The following CNTN6 variants were observed in gnomAD, a reference collection of about 807,000 sequenced individuals.
CNTN6 encodes the protein contactin 6, also known as contactin-6.
In CNTN6, 137 loss-of-function variants were observed where a neutral mutation model predicts 122.8. That is an observed-to-expected ratio of 1.12 (90% CI 0.97 to 1.29). CNTN6 has a LOEUF of 1.29. CNTN6 is among the 50% of genes most tolerant of loss of function. CNTN6 has a pLI of 0.00. For synonymous variants in CNTN6, 570 were observed against 426.0 expected (o/e 1.34, Z -4.16); for missense variants, 1,634 against 1,223.4 (o/e 1.34, Z -5.01).
intron 2 of CNTN6, among the ~76,000 whole-genome samples, chr3:1,194,216 G>A (rs1472176974): frequency 6.6e-6 from 1 of 152,008 alleles, no homozygotes; most frequent in Non-Finnish European, 1.5e-5. Context: ...TGTTTAAAGG[G>A]AGAAATCTTT....
At chr3:1,115,070 G>C (rs933522973) in intron 1 of CNTN6, among the ~76,000 whole-genome samples, 1 of 152,104 alleles carries the variant, frequency 6.6e-6, no homozygotes, top group Non-Finnish European at 1.5e-5. Context: ...CACAATTTCA[G>C]TTTTAAGACC....
intron 2 of CNTN6, among the ~76,000 whole-genome samples, chr3:1,187,459 T>C (rs533902514): frequency 3.3e-5 from 5 of 152,252 alleles, no homozygotes; most frequent in African/African-American, 1.2e-4. Flanking sequence ...TATAGGCCCA[T>C]GGTGTCAGGC....
intron 1 of CNTN6, among the ~76,000 whole-genome samples, chr3:1,141,797 A>G (rs1409194938): frequency 6.6e-6 from 1 of 152,162 alleles, no homozygotes; most frequent in Non-Finnish European, 1.5e-5. Flanking sequence ...GTTTTAAATT[A>G]TTTTAGACAT....
At chr3:1,257,124 G>A (rs71309812) in intron 4 of CNTN6, among the ~76,000 whole-genome samples, 5,338 of 152,062 alleles carry the variant, frequency 0.035, 137 homozygotes, top group Non-Finnish European at 0.052. Flanking sequence ...AGGTTTATTT[G>A]TAAAATCAAA....
chr3:1,122,853 G>C (rs1371059713), intron 1 of CNTN6, among the ~76,000 whole-genome samples: 1 of 151,742 alleles, frequency 6.6e-6, no homozygotes, highest in Non-Finnish European at 1.5e-5. Context: ...TTGAGCATTT[G>C]GGCTGTTTCC....
At chr3:1,270,349 T>C (rs2125750978) in intron 4 of CNTN6, among the ~76,000 whole-genome samples, 1 of 152,300 alleles carries the variant, frequency 6.6e-6, no homozygotes, top group South Asian at 2.1e-4. Context: ...AGATACAAAT[T>C]TAGAATAACC....
chr3:1,374,397 G>C (rs1370093134), intron 16 of CNTN6, among the ~76,000 whole-genome samples: 1 of 152,068 alleles, frequency 6.6e-6, no homozygotes, highest in East Asian at 1.9e-4. Context: ...GTTACTGCTT[G>C]TTTCATTAAA....
chr3:1,207,267 TACTC>T (rs2093970720), intron 2 of CNTN6, among the ~76,000 whole-genome samples: 1 of 152,148 alleles, frequency 6.6e-6, no homozygotes, highest in African/African-American at 2.4e-5. Flanking sequence ...GAATACCTGA[TACTC>T]ATTCATGATT....
At chr3:1,111,372 T>A (rs960743870) in intron 1 of CNTN6, among the ~76,000 whole-genome samples, 2 of 152,184 alleles carry the variant, frequency 1.3e-5, no homozygotes, top group African/African-American at 2.4e-5. Flanking sequence ...TATTTAATTC[T>A]CATAAAAACC....
intron 12 of CNTN6, among the ~76,000 whole-genome samples, chr3:1,367,235 C>T (rs1440042587): frequency 2.6e-5 from 4 of 151,946 alleles, no homozygotes; most frequent in Non-Finnish European, 4.4e-5. Flanking sequence ...CATGCTGTGC[C>T]GTAGGTCTCT....
intron 10 of CNTN6, among the ~76,000 whole-genome samples, chr3:1,327,932 A>G (rs1298353786): frequency 3.3e-5 from 5 of 151,866 alleles, no homozygotes; most frequent in Admixed American, 1.3e-4. Context: ...ATTCACAGTA[A>G]CTAAAAGAAA....
chr3:1,294,679 C>G (rs563634617), intron 5 of CNTN6, among the ~76,000 whole-genome samples: 2 of 152,280 alleles, frequency 1.3e-5, no homozygotes, highest in East Asian at 3.9e-4. Flanking sequence ...GATAGTTACT[C>G]GGAGAAATGC....
chr3:1,401,846 A>G (rs919726137), intron 21 of CNTN6, among the ~76,000 whole-genome samples: 2 of 152,056 alleles, frequency 1.3e-5, no homozygotes, highest in South Asian at 2.1e-4. Context: ...TGTGATGACA[A>G]TGAGATCAAA....
chr3:1,134,900 T>C (rs1232025664), intron 1 of CNTN6, among the ~76,000 whole-genome samples: 1 of 152,052 alleles, frequency 6.6e-6, no homozygotes, highest in East Asian at 1.9e-4. Context: ...TCTTAGATAA[T>C]ATTTTAGTCC....
intron 7 of CNTN6, among the ~76,000 whole-genome samples, chr3:1,306,797 A>G (rs1479022447): frequency 6.6e-6 from 1 of 152,148 alleles, no homozygotes; most frequent in South Asian, 2.1e-4. Flanking sequence ...CTGAGGAGGT[A>G]AAAAGGAACA....
intron 11 of CNTN6, among the ~76,000 whole-genome samples, chr3:1,332,524 A>AAGGAAGGC (rs1553687719): frequency 1.1e-5 from 1 of 89,658 alleles, no homozygotes; most frequent in Non-Finnish European, 2.3e-5. Context: ...GGAAGGAAGG[A>AAGGAAGGC]AGGAAGGAGG....
At position 1,186,643 on chromosome 3, in the gene CNTN6, T is replaced by C. The variant is rs76689732; in HGVS notation, c.56-34044T>C. On this transcript the variant is annotated intron_variant, in intron 2 of 22. Coordinates refer to ENST00000446702, the MANE Select transcript of CNTN6 (RefSeq NM_001289080.2). ...AAAATTGACTCATCTTAACTTCTAA[T>C]TTAGCTTTCTGAATCGGAAAGACAA... Among the ~76,000 whole-genome samples the C allele has an allele frequency of 2.4e-3, 369 of 152,222 alleles. 3 individuals are homozygous for C. Among genetic ancestry groups the C allele is most frequent in the African/African-American group, 8.4e-3 (350 of 41,528 alleles).
chr3:1,379,825 C>T (rs991458552), intron 17 of CNTN6, among the ~76,000 whole-genome samples: 1 of 151,988 alleles, frequency 6.6e-6, no homozygotes, highest in Non-Finnish European at 1.5e-5. Flanking sequence ...CTTCTGGTGC[C>T]CAGCTTCTTT....
chr3:1,221,000 T>C (rs2094200515), intron 3 of CNTN6, among the ~76,000 whole-genome samples, 187 bp downstream of exon 3: 1 of 152,170 alleles, frequency 6.6e-6, no homozygotes, highest in South Asian at 2.1e-4. Context: ...CCCCAGGGTA[T>C]TCCCTCATGC....
Sources: gnomAD v4.1 joint callset for allele counts (sites outside exome capture counted in the v4.1 genomes callset) on GRCh38, gnomAD v4.1.1 for gene constraint, MANE v1.5 for transcripts, NCBI Gene and HGNC (gene_info 2026-07-23, HGNC 2026-07-21) for gene names.